RASGEF1C: variants seen among roughly 807,000 people sequenced by gnomAD.
RASGEF1C encodes RasGEF domain family member 1C.
Under a neutral mutation model 58.1 loss-of-function variants are expected in RASGEF1C, and 27 were observed. That is an observed-to-expected ratio of 0.46 (90% confidence interval 0.34 to 0.64). RASGEF1C has a LOEUF of 0.64. Among genes scored for constraint, RASGEF1C ranks in the 30% least tolerant of loss-of-function variants. RASGEF1C has a pLI of 0.01. For missense variants in RASGEF1C, 502 were observed against 605.1 expected (o/e 0.83, Z 1.79); for synonymous variants, 243 against 246.3 (o/e 0.99, Z 0.13).
At chr5:180,124,231 C>A (rs1460812927) in intron 6 of RASGEF1C, among the ~76,000 whole-genome samples, 3 of 134,928 alleles carry the variant, frequency 2.2e-5, no homozygotes, top group African/African-American at 5.4e-5. Flanking sequence ...GACTCTGTCT[C>A]AAAAAAAAAA....
At chr5:180,173,157 C>T (rs1223694090) in intron 1 of RASGEF1C, among the ~76,000 whole-genome samples, 1 of 152,342 alleles carries the variant, frequency 6.6e-6, no homozygotes, top group East Asian at 1.9e-4. Context: ...AATTTACTGG[C>T]CTTATTTACA....
At chr5:180,126,386 G>A (rs1010094663) in intron 6 of RASGEF1C, among the ~76,000 whole-genome samples, 13 of 152,050 alleles carry the variant, frequency 8.5e-5, no homozygotes, top group Admixed American at 2.0e-4. Context: ...CAGCCTGGGC[G>A]ACAGAGTGAG....
chr5:180,104,146 TC>T lies in RASGEF1C; in HGVS notation c.1304-2004del, dbSNP rs201109388. Among the ~76,000 whole-genome samples, 1,347 of 152,304 alleles carry T rather than the reference TC, an allele frequency of 8.8e-3. 9 individuals carry two copies. Among genetic ancestry groups the T allele is most frequent in the Non-Finnish European group, 0.015 (991 of 68,020 alleles). On this transcript the variant is annotated intron_variant, in intron 12 of 13. Transcript: ENST00000361132. ...CCTGTATTTTCTTTTTTTGGTACTG[TC>T]TTTGGTTTTAGTATCAGGGTAATAC...
chr5:180,207,482 A>G (rs1429046768), intron 1 of RASGEF1C, among the ~76,000 whole-genome samples: 1 of 152,178 alleles, frequency 6.6e-6, no homozygotes, highest in African/African-American at 2.4e-5. Flanking sequence ...AGCTGGAACC[A>G]CCTCAGAGAC....
intron 1 of RASGEF1C, among the ~76,000 whole-genome samples, chr5:180,191,149 G>T (rs147633807): frequency 7.2e-5 from 11 of 152,284 alleles, no homozygotes; most frequent in Non-Finnish European, 1.2e-4. Flanking sequence ...ACCAGATGCC[G>T]CATGGATAGA....
At chr5:180,136,612 C>T (rs1211772188) in intron 3 of RASGEF1C, 97 bp from the exon 4 acceptor site, 8 of 1,373,994 alleles carry the variant, frequency 5.8e-6, no homozygotes, top group Non-Finnish European at 7.8e-6. Context: ...CCGGGGCAGG[C>T]AGGGCCTCGT....
At chr5:180,127,582 T>G in intron 6 of RASGEF1C, 27 bp downstream of exon 6, 1 of 1,592,738 alleles carries the variant, frequency 6.3e-7, no homozygotes, top group Non-Finnish European at 8.5e-7. Flanking sequence ...AGGCTCACTT[T>G]TGGGACAGCC....
rs6882377 is a variant in RASGEF1C, at chr5:180,163,884, T to C, written c.-6-25826A>G. On this transcript the variant is annotated intron_variant, in intron 1 of 13. Coordinates refer to ENST00000361132, the MANE Select transcript of RASGEF1C (RefSeq NM_175062.4). ...TTCCTGGAGATTTCTTTTTCTAAGA[T>C]TTGAAATGATAAATTCAAGGTCTTT... 4.4e-3 allele frequency among the ~76,000 whole-genome samples: 672 copies of C among 152,306 alleles called. 8 individuals carry two copies. The highest frequency in any genetic ancestry group is 0.015 in the African/African-American group (639 of 41,570).
intron 1 of RASGEF1C, among the ~76,000 whole-genome samples, chr5:180,147,954 T>C (rs1038844274): frequency 1.3e-5 from 2 of 152,120 alleles, no homozygotes; most frequent in African/African-American, 4.8e-5. Flanking sequence ...TTGCAGTCTC[T>C]GACTATTACT....
chr5:180,124,737 T>C (rs35792547), intron 6 of RASGEF1C, among the ~76,000 whole-genome samples: 36,018 of 151,986 alleles, frequency 0.24, 4,372 homozygotes, highest in South Asian at 0.32. Flanking sequence ...GGCAGGAGAA[T>C]CTCTTGAATC....
At chr5:180,176,119 G>A (rs1371892473) in intron 1 of RASGEF1C, among the ~76,000 whole-genome samples, 2 of 152,272 alleles carry the variant, frequency 1.3e-5, no homozygotes, top group African/African-American at 4.8e-5. Flanking sequence ...ACAAGGACAC[G>A]TGGATGTTGG....
At chr5:180,138,876 C>T (rs976886108) in intron 1 of RASGEF1C, among the ~76,000 whole-genome samples, 3 of 152,204 alleles carry the variant, frequency 2.0e-5, no homozygotes, top group East Asian at 1.9e-4. Flanking sequence ...CTTCACTCCC[C>T]TATCCCTCCA....
chr5:180,128,348 A>G, intron 5 of RASGEF1C, 62 bp downstream of exon 5: 1 of 1,455,360 alleles, frequency 6.9e-7, no homozygotes, highest in Non-Finnish European at 9.6e-7. Flanking sequence ...CAGGGAGGGC[A>G]CAGTGTATCT....
intron 1 of RASGEF1C, among the ~76,000 whole-genome samples, chr5:180,180,563 G>A (rs1463017274): frequency 6.6e-6 from 1 of 152,208 alleles, no homozygotes; most frequent in East Asian, 1.9e-4. Context: ...CCAGGTCCCT[G>A]CCCAGAGGTG....
chr5:180,148,899 G>A (rs564853173), intron 1 of RASGEF1C, among the ~76,000 whole-genome samples: 16 of 152,054 alleles, frequency 1.1e-4, no homozygotes, highest in African/African-American at 3.6e-4. Flanking sequence ...TAGGCCTTGC[G>A]GTAGTGACTT....
chr5:180,117,480 C>G (rs150881380), intron 10 of RASGEF1C, among the ~76,000 whole-genome samples: 1 of 152,198 alleles, frequency 6.6e-6, no homozygotes. Flanking sequence ...CCAATGTTCC[C>G]GCATGGCACG....
intron 1 of RASGEF1C, among the ~76,000 whole-genome samples, chr5:180,186,270 A>G (rs1470525241): frequency 1.3e-5 from 2 of 152,198 alleles, no homozygotes; most frequent in Admixed American, 1.3e-4. Context: ...ATGATCCCAT[A>G]TATACAAAAT....
At chr5:180,190,263 G>A (rs912398710) in intron 1 of RASGEF1C, among the ~76,000 whole-genome samples, 5 of 151,964 alleles carry the variant, frequency 3.3e-5, no homozygotes, top group Non-Finnish European at 4.4e-5. Context: ...CGAGGCAGGC[G>A]GATCACGAGG....
At chr5:180,205,821 C>T (rs1396478184) in intron 1 of RASGEF1C, among the ~76,000 whole-genome samples, 1 of 152,096 alleles carries the variant, frequency 6.6e-6, no homozygotes, top group Non-Finnish European at 1.5e-5. Context: ...CAAAATCTGC[C>T]TCCCAGGTTC....
Sources: gnomAD v4.1 joint callset for allele counts (sites outside exome capture counted in the v4.1 genomes callset) on GRCh38, gnomAD v4.1.1 for gene constraint, MANE v1.5 for transcripts, NCBI Gene and HGNC (gene_info 2026-07-23, HGNC 2026-07-21) for gene names.